LDB2: variants seen among roughly 807,000 people sequenced by gnomAD.
LDB2 encodes the protein LIM domain-binding protein 2.
In LDB2, 12 loss-of-function variants were observed where a neutral mutation model predicts 44.3. That is an observed-to-expected ratio of 0.27 (90% CI 0.17 to 0.44). The LOEUF (loss-of-function observed/expected upper bound fraction) is 0.44. LDB2 is among the 20% of genes least tolerant of loss of function. The pLI, the probability that LDB2 is intolerant of heterozygous loss-of-function variation, is 1.00. For synonymous variants in LDB2, 164 were observed against 174.8 expected, an observed-to-expected ratio of 0.94 and a Z score of 0.49; for missense variants, 344 against 473.5, an observed-to-expected ratio of 0.73 and a Z score of 2.54.
intron 2 of LDB2, among the ~76,000 whole-genome samples, chr4:16,653,213 A>G (rs375452268): frequency 2.0e-5 from 3 of 152,114 alleles, no homozygotes; most frequent in East Asian, 1.9e-4. Flanking sequence ...CTGCTGTCTC[A>G]CCTTTCCTGA....
At chr4:16,689,863 C>T (rs970470118) in intron 2 of LDB2, among the ~76,000 whole-genome samples, 1 of 152,154 alleles carries the variant, frequency 6.6e-6, no homozygotes, top group African/African-American at 2.4e-5. Context: ...TGACATTGAC[C>T]GTGTCTTAGA....
chr4:16,542,697 T>A (rs1415022007), intron 5 of LDB2, among the ~76,000 whole-genome samples: 2 of 151,666 alleles, frequency 1.3e-5, no homozygotes, highest in African/African-American at 2.4e-5. Flanking sequence ...CCTACCCTTA[T>A]TTCCTAAACT....
chr4:16,629,222 A>G (rs1048140698), intron 2 of LDB2, among the ~76,000 whole-genome samples: 2 of 152,216 alleles, frequency 1.3e-5, no homozygotes, highest in Non-Finnish European at 2.9e-5. Context: ...GGCAGCAGAC[A>G]GCTTCTTCAG....
intron 5 of LDB2, among the ~76,000 whole-genome samples, chr4:16,547,952 T>G (rs529475032): frequency 3.3e-4 from 50 of 151,396 alleles, no homozygotes; most frequent in African/African-American, 1.2e-3. Context: ...GTTCTTTTTT[T>G]TTGTTTGTTT....
At position 16,613,691 on chromosome 4, in the gene LDB2, C is replaced by T. The variant is rs532163038; in HGVS notation, c.236-17816G>A. 5.3e-5 allele frequency among the ~76,000 whole-genome samples: 8 copies of T among 152,178 alleles called. No individual in the cohort carries two copies. The East Asian group carries it at 1.4e-3, about 26-fold the overall frequency. The stretch of plus-strand genomic sequence containing the variant: ...TAATCACTACAAAGAGAAAAAAATA[C>T]CTAGGAATACAGCTAACAAGTGATG... On this transcript the variant is annotated intron_variant, in intron 2 of 7. Transcript: ENST00000304523.
chr4:16,640,488 C>T (rs780751704), intron 2 of LDB2, among the ~76,000 whole-genome samples: 2 of 152,140 alleles, frequency 1.3e-5, no homozygotes, highest in African/African-American at 2.4e-5. Context: ...GGGATGAATG[C>T]TCAGTCTTCC....
At chr4:16,504,863 A>G (rs1252451924) in intron 7 of LDB2, among the ~76,000 whole-genome samples, 1 of 152,234 alleles carries the variant, frequency 6.6e-6, no homozygotes, top group Non-Finnish European at 1.5e-5. Context: ...CCTGAGGGTT[A>G]ATCTCATTTC....
Position 16,512,024 on chromosome 4 carries a change from C to G in LDB2, c.696G>C (p.Lys232Asn), listed in dbSNP as rs780613045. Reference sequence around the variant, plus strand: ...TCTGCCACTTCTGAAACAAGCAGGTCTTCAGGCAGTCTCGGGGACTGAGGT... The same window carrying G: ...TCTGCCACTTCTGAAACAAGCAGGTGTTCAGGCAGTCTCGGGGACTGAGGT... ...TYNLSPRDCLKTCLFQKWQRM... is the reference protein window; with the variant it reads ...TYNLSPRDCLNTCLFQKWQRM... Residue 232 changes from lysine (K) to asparagine (N), a missense_variant, in exon 6 of 8, where the codon AAG (lysine) becomes AAC (asparagine). By Grantham distance (94) the Lys-to-Asn change is moderately conservative. This residue lies in a region of LDB2 where 86 missense variants were observed against 171.2 expected (regional missense o/e 0.50). Coordinates refer to ENST00000304523, the MANE Select transcript of LDB2 (RefSeq NM_001290.5). 8 of 1,613,622 alleles carry G rather than the reference C, an allele frequency of 5.0e-6. No homozygotes were observed. Among genetic ancestry groups the G allele is most frequent in the African/African-American group, 2.7e-5 (2 of 74,910 alleles).
intron 1 of LDB2, among the ~76,000 whole-genome samples, chr4:16,895,090 C>T (rs1477853704): frequency 7.1e-6 from 1 of 141,762 alleles, no homozygotes; most frequent in Admixed American, 7.3e-5. Flanking sequence ...ATAATGTCTG[C>T]ACTCTTTACT....
chr4:16,604,169 C>T (rs1008322849), intron 2 of LDB2, among the ~76,000 whole-genome samples: 20 of 152,072 alleles, frequency 1.3e-4, no homozygotes, highest in African/African-American at 4.8e-4. Flanking sequence ...TATGTTGCAC[C>T]CTCTGAAGTT....
At chr4:16,655,841 G>A (rs1739628867) in intron 2 of LDB2, among the ~76,000 whole-genome samples, 2 of 146,034 alleles carry the variant, frequency 1.4e-5, no homozygotes. Flanking sequence ...GTTTTTCTAT[G>A]TCAAATAGAT....
chr4:16,668,636 C>T (rs184955903), intron 2 of LDB2, among the ~76,000 whole-genome samples: 173 of 152,276 alleles, frequency 1.1e-3, no homozygotes, highest in African/African-American at 3.8e-3. Context: ...TTACTACATG[C>T]CAGGCACTGT....
chr4:16,884,573 C>A (rs1471100578), intron 1 of LDB2, among the ~76,000 whole-genome samples: 1 of 152,154 alleles, frequency 6.6e-6, no homozygotes, highest in East Asian at 1.9e-4. Context: ...ACCTTAAACA[C>A]CCTTTCCACC....
intron 2 of LDB2, among the ~76,000 whole-genome samples, chr4:16,659,369 A>G (rs1740818771): frequency 6.6e-6 from 1 of 152,072 alleles, no homozygotes; most frequent in South Asian, 2.1e-4. Context: ...TGGCCTCACC[A>G]CTGAAGTCAA....
chr4:16,793,788 C>T (rs1276057945), intron 1 of LDB2, among the ~76,000 whole-genome samples: 1 of 152,094 alleles, frequency 6.6e-6, no homozygotes, highest in African/African-American at 2.4e-5. Flanking sequence ...CAATCTGAAC[C>T]ATGATGTGGT....
At chr4:16,614,789 G>A (rs1217783407) in intron 2 of LDB2, among the ~76,000 whole-genome samples, 2 of 151,798 alleles carry the variant, frequency 1.3e-5, no homozygotes, top group African/African-American at 2.4e-5. Flanking sequence ...GTCAAGAAAC[G>A]GCCGGGCGCG....
intron 5 of LDB2, among the ~76,000 whole-genome samples, chr4:16,525,462 C>T (rs991818020): frequency 1.3e-5 from 2 of 152,218 alleles, no homozygotes; most frequent in Admixed American, 1.3e-4. Flanking sequence ...GCAGCCCTCT[C>T]CCCTCCCAGG....
At chr4:16,598,380 G>C (rs1721612730) in intron 2 of LDB2, among the ~76,000 whole-genome samples, 3 of 152,104 alleles carry the variant, frequency 2.0e-5, no homozygotes, top group Non-Finnish European at 4.4e-5. Context: ...GAGTCTTCCA[G>C]CCAGCAACCC....
intron 1 of LDB2, among the ~76,000 whole-genome samples, chr4:16,870,627 C>CTTTA (rs113417723): frequency 0.2 from 29,603 of 150,616 alleles, 2,969 homozygotes; most frequent in East Asian, 0.27. Context: ...CTTGCATTCT[C>CTTTA]TTTATTTATT....
Sources: gnomAD v4.1 joint callset for allele counts (sites outside exome capture counted in the v4.1 genomes callset) on GRCh38, gnomAD v4.1.1 for gene constraint, gnomAD v4.1.1 regional missense constraint, MANE v1.5 for transcripts, NCBI Gene and HGNC (gene_info 2026-07-23, HGNC 2026-07-21) for gene names.